Variants in ADGRG2 observed in about 807,000 individuals in gnomAD.
ADGRG2 encodes adhesion G protein-coupled receptor G2.
A neutral mutation model predicts 74.1 loss-of-function variants in ADGRG2; 26 were observed. That is an observed-to-expected ratio of 0.35 (90% CI 0.26 to 0.49). ADGRG2 has a LOEUF of 0.49. Ranked by LOEUF, ADGRG2 falls within the 20% of genes least tolerant of loss-of-function variation. The pLI is 0.99. For synonymous variants in ADGRG2, 296 were observed against 295.2 expected, an observed-to-expected ratio of 1.00 and a Z score of -0.03; for missense variants, 619 against 763.1, an observed-to-expected ratio of 0.81 and a Z score of 2.22.
intron 24 of ADGRG2, among the ~76,000 whole-genome samples, chrX:19,000,505 T>G (rs769687801): frequency 2.2e-4 from 25 of 111,484 alleles, no homozygotes; most frequent in African/African-American, 6.8e-4. Context: ...CACAAGTGAT[T>G]TGCTCCACTT....
At chrX:19,116,330 G>A (rs1209933635) in intron 1 of ADGRG2, among the ~76,000 whole-genome samples, 1 of 108,592 alleles carries the variant, frequency 9.2e-6, no homozygotes, top group Non-Finnish European at 1.9e-5. Context: ...GATCAATATG[G>A]TAAAACCCCG....
At chrX:19,065,070 G>T (rs2061543926) in intron 3 of ADGRG2, among the ~76,000 whole-genome samples, 1 of 108,356 alleles carries the variant, frequency 9.2e-6, no homozygotes, top group Non-Finnish European at 1.9e-5. Context: ...AGGAATTCGA[G>T]ACCACCCTGG....
At chrX:19,045,878 GT>G (rs2061176287) in intron 3 of ADGRG2, among the ~76,000 whole-genome samples, 1 of 110,892 alleles carries the variant, frequency 9.0e-6, no homozygotes, top group South Asian at 3.8e-4. Flanking sequence ...TCATGCTGGA[GT>G]TTTTTGTTAT....
chrX:19,038,933 CA>C (rs1278362170), intron 4 of ADGRG2, among the ~76,000 whole-genome samples: 1 of 112,044 alleles, frequency 8.9e-6, no homozygotes, highest in African/African-American at 3.2e-5. Context: ...TTGGCGAGAT[CA>C]AAAGAGCTTG....
At chrX:19,079,011 T>C (rs982325354) in intron 2 of ADGRG2, among the ~76,000 whole-genome samples, 1 of 111,188 alleles carries the variant, frequency 9.0e-6, no homozygotes, top group Non-Finnish European at 1.9e-5. Flanking sequence ...GCAAAAACTG[T>C]CTTCAATAAT....
In ADGRG2 at chrX:19,019,665, T is replaced by A; in HGVS notation, c.644A>T (p.Glu215Val). 8.8e-7 allele frequency: 1 copy of A among 1,136,779 alleles called. No individual in the cohort carries two copies. The highest frequency in any genetic ancestry group is 1.2e-6 in the Non-Finnish European group (1 of 830,588). The allele number at this position is 1,136,779 out of a possible 1,213,427, so 93.7% of individuals were successfully genotyped here. A position where few individuals can be genotyped will look rare whatever the true frequency, so the allele number is the denominator to read the frequency against. The stretch of plus-strand genomic sequence containing the variant: ...TATCCTGACAGAACAGCAGCAGTGT[T>A]CTAGGAGAGACAAAAGGAAAAGGAG... ...ALERVKIRPM[E>V]HCCCSVRIPC... is the part of the protein sequence containing the mutation. Residue 215 changes from glutamate (E) to valine (V), a missense_variant and splice_region_variant, in exon 15 of 29, where the codon GAA becomes GTA. Transcript: ENST00000379869.
chrX:19,065,402 G>C (rs1395045159), intron 3 of ADGRG2, among the ~76,000 whole-genome samples: 1 of 110,704 alleles, frequency 9.0e-6, no homozygotes, highest in East Asian at 2.8e-4. Flanking sequence ...CTACTTGTCT[G>C]TCACACTTTG....
chrX:19,063,910 G>C (rs1052709473), intron 3 of ADGRG2, among the ~76,000 whole-genome samples: 1 of 111,892 alleles, frequency 8.9e-6, no homozygotes. Context: ...ACAGACAAGG[G>C]GGTGAATCCG....
At chrX:19,042,663 C>T (rs779149436) in intron 3 of ADGRG2, among the ~76,000 whole-genome samples, 54 of 111,230 alleles carry the variant, frequency 4.9e-4, no homozygotes, top group African/African-American at 1.7e-3. Flanking sequence ...GTTTGATAGG[C>T]GTGGGCTTAT....
intron 10 of ADGRG2, among the ~76,000 whole-genome samples, chrX:19,027,580 C>T (rs1052651922): frequency 8.9e-6 from 1 of 112,523 alleles, no homozygotes; most frequent in African/African-American, 3.2e-5. Context: ...CTTTATTTCA[C>T]GAGTTCCTCA....
intron 1 of ADGRG2, among the ~76,000 whole-genome samples, chrX:19,106,857 T>C: frequency 9.2e-6 from 1 of 108,231 alleles, no homozygotes; most frequent in South Asian, 4.1e-4. Context: ...GAGGTGGAGG[T>C]TGCAGTGAGC....
chrX:19,008,067 T>G lies in ADGRG2; in HGVS notation c.1479A>C (p.Ser493=). The change falls in exon 19 of 29, where the codon TCA becomes TCC. Residue 493 remains serine, a synonymous_variant. Coordinates refer to ENST00000379869, the MANE Select transcript of ADGRG2 (RefSeq NM_001079858.3). ...GAGCTGGTAAATTATTCATCAGCGA[T>G]GAAGGAAGAGTAATTGTGCCAATAC... is the stretch of plus-strand genomic sequence containing the variant. ...ENSIGTITLP[S]SLMNNLPAHD... 1 of 1,196,830 alleles carries G rather than the reference T, an allele frequency of 8.4e-7. No individual in the cohort carries two copies. The highest frequency in any genetic ancestry group is 1.1e-6 in the Non-Finnish European group (1 of 882,499).
intron 2 of ADGRG2, among the ~76,000 whole-genome samples, chrX:19,072,977 A>G (rs972331773): frequency 9.0e-6 from 1 of 111,717 alleles, no homozygotes; most frequent in African/African-American, 3.3e-5. Flanking sequence ...TATAGTTTGG[A>G]TACGTGTCCC....
At chrX:19,080,974 T>C (rs1488217752) in intron 2 of ADGRG2, among the ~76,000 whole-genome samples, 1 of 110,257 alleles carries the variant, frequency 9.1e-6, no homozygotes, top group African/African-American at 3.3e-5. Flanking sequence ...TGAAGTTCTA[T>C]TACAAGCAAG....
At chrX:19,082,191 G>C (rs1261772737) in intron 2 of ADGRG2, among the ~76,000 whole-genome samples, 2 of 110,875 alleles carry the variant, frequency 1.8e-5, no homozygotes, top group Non-Finnish European at 3.8e-5. Flanking sequence ...AGAGGGTCAT[G>C]GGCAGAAATC....
intron 1 of ADGRG2, among the ~76,000 whole-genome samples, chrX:19,088,295 T>C (rs1316805235): frequency 8.9e-6 from 1 of 111,963 alleles, no homozygotes; most frequent in Non-Finnish European, 1.9e-5. Context: ...CTTTCTTCCA[T>C]TAATATGAAA....
chrX:19,062,533 T>C (rs139141457), intron 3 of ADGRG2, among the ~76,000 whole-genome samples: 2 of 111,789 alleles, frequency 1.8e-5, no homozygotes, highest in African/African-American at 3.2e-5. Context: ...ATCAGTGCCA[T>C]GGTAAGCATT....
intron 1 of ADGRG2, among the ~76,000 whole-genome samples, chrX:19,115,785 C>G (rs2062501716): frequency 9.0e-6 from 1 of 110,937 alleles, no homozygotes; most frequent in Non-Finnish European, 1.9e-5. Context: ...GAAACCCTAT[C>G]CCTACTAAAA....
In ADGRG2 at chrX:19,065,192, C is replaced by T. The variant is rs376235451; in HGVS notation, c.118+3525G>A. 6.1e-4 allele frequency among the ~76,000 whole-genome samples: 62 copies of T among 101,653 alleles called. 1 individual carries two copies. Among genetic ancestry groups the T allele is most frequent in the East Asian group, 5.2e-3 (17 of 3,273 alleles). 88.3% of individuals were successfully genotyped at this position (101,653 alleles called of 115,157 possible). On this transcript the variant is annotated intron_variant, in intron 3 of 28. Coordinates refer to ENST00000379869, the MANE Select transcript of ADGRG2 (RefSeq NM_001079858.3). ...GACTGAGGTGGAAGGAACACCTGAG[C>T]CCGGGAGGTTGAGACTGCAGTGAGC...
Sources: gnomAD v4.1 joint callset for allele counts (sites outside exome capture counted in the v4.1 genomes callset) on GRCh38, gnomAD v4.1.1 for gene constraint, MANE v1.5 for transcripts, NCBI Gene and HGNC (gene_info 2026-07-23, HGNC 2026-07-21) for gene names.